Variants in XRCC1 observed in about 807,000 individuals in gnomAD.
XRCC1 encodes DNA repair protein XRCC1.
In XRCC1, 52 loss-of-function variants were observed where a neutral mutation model predicts 83.3. The ratio of observed to expected loss-of-function variants is 0.62; its 90% CI spans 0.50 to 0.79. The LOEUF is 0.79. Among genes scored for constraint, XRCC1 ranks in the 30% least tolerant of loss-of-function variants. The pLI, the probability that XRCC1 is intolerant of heterozygous loss-of-function variation, is 0.00. For missense variants in XRCC1, 793 were observed against 823.5 expected (o/e 0.96, Z 0.45); for synonymous variants, 281 against 312.6 (o/e 0.90, Z 1.07).
Position 43,552,303 on chromosome 19 carries a change from T to G in XRCC1, c.824-28A>C, listed in dbSNP as rs373953000. The G allele has an allele frequency of 1.4e-4, 217 of 1,523,268 alleles. No individual in the cohort carries two copies. In the African/African-American group the frequency reaches 2.8e-3, roughly 20 times the overall value. 94.4% of individuals were successfully genotyped at this position (1,523,268 alleles called of 1,614,324 possible). On this transcript the variant is annotated intron_variant, in intron 8 of 16. Coordinates refer to ENST00000262887, the MANE Select transcript of XRCC1 (RefSeq NM_006297.3). ...GGAGAAGACAAAGAGTAGATTAGGT[T>G]AGCACCACTGGGGGTCAACCCCCAG...
rs575256942 is a variant in XRCC1, at chr19:43,571,615, C to T, written c.144+3295G>A. 5.3e-5 allele frequency among the ~76,000 whole-genome samples: 8 copies of T among 152,336 alleles called. No homozygotes were observed. The East Asian group carries it at 1.5e-3, about 29-fold the overall frequency. ...ATCTTCCAGGCTCAAGTGATCCTCC[C>T]GCCTCAGCCTCTGGAGTAGCTGGGA... is the stretch of plus-strand genomic sequence containing the variant. On this transcript the variant is annotated intron_variant, in intron 2 of 16. Coordinates refer to ENST00000262887, the MANE Select transcript of XRCC1 (RefSeq NM_006297.3).
In XRCC1 at chr19:43,545,204, A is replaced by G. The variant is rs114185343; in HGVS notation, c.1621+614T>C. On this transcript the variant is annotated intron_variant, in intron 14 of 16. Transcript: ENST00000262887. ...CGGCTCTTCTGGAAGCCCCAGAACC[A>G]CACCTCTGCACAGCCCGTGACTGTC... 7.6e-3 allele frequency among the ~76,000 whole-genome samples: 1,153 copies of G among 152,160 alleles called. 10 individuals carry two copies. The highest frequency in any genetic ancestry group is 0.025 in the African/African-American group (1,022 of 41,518).
intron 1 of XRCC1, 126 bp from the exon 2 acceptor site, chr19:43,575,128 T>C (rs1600063469): frequency 7.2e-6 from 6 of 829,484 alleles, no homozygotes; most frequent in Non-Finnish European, 1.2e-5. Context: ...CTCCCGTTAA[T>C]CCCCCGACAC....
chr19:43,556,318 G>C lies in XRCC1; in HGVS notation c.256-1514C>G, dbSNP rs959251904. 3.3e-5 allele frequency among the ~76,000 whole-genome samples: 5 copies of C among 152,288 alleles called. No individual in the cohort carries two copies. In the East Asian group the frequency reaches 9.6e-4, roughly 29 times the overall value. On this transcript the variant is annotated intron_variant, in intron 3 of 16. Transcript: ENST00000262887. ...TGCATAGAACTGAGGACTCCCCAAA[G>C]GCAACGCCCACACTAGTTACATGAA...
At chr19:43,575,324 C>G in intron 1 of XRCC1, 84 bp downstream of exon 1, 2 of 1,427,318 alleles carry the variant, frequency 1.4e-6, no homozygotes, top group Non-Finnish European at 1.9e-6. Flanking sequence ...CCTTAGACTT[C>G]CAAGAGAACC....
intron 2 of XRCC1, among the ~76,000 whole-genome samples, chr19:43,561,759 C>T (rs947011434): frequency 2.0e-5 from 3 of 152,176 alleles, no homozygotes; most frequent in Non-Finnish European, 2.9e-5. Context: ...TGCAGAAAGC[C>T]GTGCGGGCCA....
intron 10 of XRCC1, among the ~76,000 whole-genome samples, chr19:43,548,104 GA>G (rs1972534787): frequency 6.7e-6 from 1 of 148,644 alleles, no homozygotes; most frequent in Non-Finnish European, 1.5e-5. Flanking sequence ...ATCCGGGAGG[GA>G]GGTGGGGGGG....
rs367551427 is a variant in XRCC1 at position 43,544,052 on chromosome 19, C to T, written c.1712+92G>A. Reference sequence around the variant, plus strand: ...GGCCCTTCTCCATCCTCCTGATGGTCTTCTTTCCCACACCCCCACCCCTCC... The same window carrying T: ...GGCCCTTCTCCATCCTCCTGATGGTTTTCTTTCCCACACCCCCACCCCTCC... On this transcript the variant is annotated intron_variant, in intron 15 of 16. Coordinates refer to ENST00000262887, the MANE Select transcript of XRCC1 (RefSeq NM_006297.3). 222 of 1,259,910 alleles carry T rather than the reference C, an allele frequency of 1.8e-4. 1 individual carries two copies. The East Asian group carries it at 5.2e-3, about 30-fold the overall frequency. 78.0% of individuals were successfully genotyped at this position (1,259,910 alleles called of 1,614,324 possible).
chr19:43,569,495 A>T (rs1972786982), intron 2 of XRCC1, among the ~76,000 whole-genome samples: 2 of 149,610 alleles, frequency 1.3e-5, no homozygotes, highest in South Asian at 4.2e-4. Flanking sequence ...AAAAAAAGAC[A>T]ATAGGAGTCG....
intron 10 of XRCC1, among the ~76,000 whole-genome samples, chr19:43,550,267 T>C (rs1600045980): frequency 7.1e-6 from 1 of 141,658 alleles, no homozygotes. Flanking sequence ...GTTAAGACCA[T>C]GACACACTTA....
Position 43,551,661 on chromosome 19 carries a change from T to C in XRCC1, c.1109A>G (p.Tyr370Cys), listed in dbSNP as rs750826409. The part of the protein sequence containing the change: ...LICAFANTPK[Y>C]SQVLGLGGRI... ...GCCTCCCAGGCCTAGGACCTGGCTG[T>C]ACTTGGGGGTGTTGGCAAAGGCACA... Residue 370 changes from tyrosine (Y) to cysteine (C), a missense_variant, in exon 10 of 17, where the codon TAC (tyrosine) becomes TGC (cysteine). By Grantham distance (194) the Tyr-to-Cys change is radical. Coordinates refer to ENST00000262887, the MANE Select transcript of XRCC1 (RefSeq NM_006297.3). 2.5e-6 allele frequency: 4 copies of C among 1,614,064 alleles called. No homozygotes were observed. The South Asian group carries it at 4.4e-5, about 18-fold the overall frequency.
In XRCC1 at chr19:43,551,575, G is replaced by C. The variant is rs199739076; in HGVS notation, c.1195C>G (p.Gln399Glu). ...GGTTGGCGTGTGAGGCCTTACCTCT[G>C]GGAGGGCAGCCGCCGACGCATGCGG... ...CHRMRRRLPS[Q>E]RYLMAGPGSS... Residue 399 changes from glutamine to glutamate, a missense_variant, in exon 10 of 17, where the codon CAG becomes GAG. Coordinates refer to ENST00000262887, the MANE Select transcript of XRCC1 (RefSeq NM_006297.3). The C allele has an allele frequency of 1.4e-5, 22 of 1,613,626 alleles. No individual in the cohort carries two copies. The highest frequency in any genetic ancestry group is 1.7e-5 in the Non-Finnish European group (20 of 1,179,714).
intron 2 of XRCC1, among the ~76,000 whole-genome samples, chr19:43,565,737 A>C (rs1600057860): frequency 6.6e-6 from 1 of 152,150 alleles, no homozygotes; most frequent in African/African-American, 2.4e-5. Flanking sequence ...GGAGTTCGAG[A>C]CCAGCCTGGC....
intron 3 of XRCC1, among the ~76,000 whole-genome samples, chr19:43,558,297 T>C (rs1342915717): frequency 2.6e-5 from 4 of 151,172 alleles, no homozygotes; most frequent in African/African-American, 9.7e-5. Flanking sequence ...ATCGTGCCAC[T>C]GCACTCCAGC....
chr19:43,563,510 C>A (rs1303997810), intron 2 of XRCC1, among the ~76,000 whole-genome samples: 1 of 151,978 alleles, frequency 6.6e-6, no homozygotes, highest in African/African-American at 2.4e-5. Context: ...ACAACAACAA[C>A]AAAAACAACA....
At chr19:43,569,082 A>G (rs1375891227) in intron 2 of XRCC1, among the ~76,000 whole-genome samples, 3 of 152,000 alleles carry the variant, frequency 2.0e-5, no homozygotes, top group African/African-American at 7.2e-5. Flanking sequence ...GTTCAAGACC[A>G]GCCTTGGCAA....
intron 2 of XRCC1, among the ~76,000 whole-genome samples, chr19:43,571,294 A>G (rs985520587): frequency 1.3e-5 from 2 of 152,112 alleles, no homozygotes; most frequent in Admixed American, 6.6e-5. Flanking sequence ...CTAGATACAT[A>G]CATAGCTCAT....
At chr19:43,565,629 C>T (rs1223736376) in intron 2 of XRCC1, among the ~76,000 whole-genome samples, 1 of 152,194 alleles carries the variant, frequency 6.6e-6, no homozygotes, top group African/African-American at 2.4e-5. Flanking sequence ...CCTGACATTT[C>T]TTCTTTGTAT....
At chr19:43,548,049 G>GGGCCAGCCCCCACCC (rs543968194) in intron 10 of XRCC1, among the ~76,000 whole-genome samples, 1 of 118,902 alleles carries the variant, frequency 8.4e-6, no homozygotes, top group Non-Finnish European at 1.8e-5. Flanking sequence ...GGGAGGTGGG[G>GGGCCAGCCCCCACCC]GGCCAGCCGC....
Sources: gnomAD v4.1 joint callset for allele counts (sites outside exome capture counted in the v4.1 genomes callset) on GRCh38, gnomAD v4.1.1 for gene constraint, MANE v1.5 for transcripts, NCBI Gene and HGNC (gene_info 2026-07-23, HGNC 2026-07-21) for gene names.